SCAPER: variants seen among roughly 807,000 people sequenced by gnomAD.
SCAPER encodes the protein S phase cyclin A-associated protein in the endoplasmic reticulum.
Under a neutral mutation model 182.2 loss-of-function variants are expected in SCAPER, and 98 were observed. The observed-to-expected ratio is 0.54, with a 90% CI of 0.46 to 0.64. The LOEUF is 0.64. SCAPER is among the 30% of genes least tolerant of loss of function. The pLI is 0.00. For missense variants in SCAPER, 1,432 were observed against 1,690.0 expected (o/e 0.85, Z 2.68); for synonymous variants, 605 against 564.6 (o/e 1.07, Z -1.01).
In SCAPER at chr15:76,704,271, T is replaced by A. The variant is rs185641607; in HGVS notation, c.2248-1269A>T. Among the ~76,000 whole-genome samples the A allele has an allele frequency of 2.0e-5, 3 of 152,290 alleles. 1 individual carries two copies. In the East Asian group the frequency reaches 5.8e-4, roughly 29 times the overall value. ...CGAGAATTTTCTCCCATTTTGTAGG[T>A]TGCCTGTTCACTCTGATGGTAGTTT... On this transcript the variant is annotated intron_variant, in intron 18 of 31. Transcript: ENST00000563290.
At chr15:76,379,211 G>A (rs1329445595) in intron 28 of SCAPER, among the ~76,000 whole-genome samples, 1 of 152,134 alleles carries the variant, frequency 6.6e-6, no homozygotes, top group Non-Finnish European at 1.5e-5. Context: ...AGGGTAAAGG[G>A]TACCTGGAAA....
rs142859171 is a variant in SCAPER, at chr15:76,901,827, C to G, written c.-60+3472G>C. Among the ~76,000 whole-genome samples the G allele has an allele frequency of 5.9e-5, 9 of 152,180 alleles. No homozygotes were observed. In the East Asian group the frequency reaches 1.5e-3, roughly 26 times the overall value. ...CTCCACCTCCCGGATTCAAGCGATT[C>G]TCCTGCCTCAGCCTCCTGAGTAGCT... On this transcript the variant is annotated intron_variant, in intron 1 of 31. Transcript: ENST00000563290.
Position 76,348,456 on chromosome 15 carries a change from C to T in SCAPER, c.*177G>A, listed in dbSNP as rs2040314733. ...AAATAAACTCAACTTGCAAAATTAG[C>T]AAGTAGAACATTCAAGTATCTACAG... On this transcript the variant is annotated 3_prime_UTR_variant, in exon 32 of 32. Coordinates refer to ENST00000563290, the MANE Select transcript of SCAPER (RefSeq NM_020843.4). 4.7e-6 allele frequency: 2 copies of T among 428,640 alleles called. No homozygotes were observed. Among genetic ancestry groups the T allele is most frequent in the East Asian group, 7.2e-5 (2 of 27,746 alleles). 26.6% of individuals were successfully genotyped at this position (428,640 alleles called of 1,614,324 possible). A position where few individuals can be genotyped will look rare whatever the true frequency, so the allele number is the denominator to read the frequency against.
chr15:76,648,254 G>A (rs888002200), intron 21 of SCAPER, among the ~76,000 whole-genome samples: 2 of 150,284 alleles, frequency 1.3e-5, no homozygotes, highest in Non-Finnish European at 3.0e-5. Context: ...AACTCCTGGA[G>A]ATGAAAAATA....
chr15:76,777,608 C>A (rs1366604664), intron 8 of SCAPER, among the ~76,000 whole-genome samples: 2 of 152,276 alleles, frequency 1.3e-5, no homozygotes, highest in East Asian at 3.9e-4. Context: ...ACAGAAGAAT[C>A]GCTTGGACCT....
chr15:76,779,311 A>G (rs2063944768), intron 8 of SCAPER, among the ~76,000 whole-genome samples: 1 of 152,340 alleles, frequency 6.6e-6, no homozygotes, highest in African/African-American at 2.4e-5. Flanking sequence ...TTCTACAAGT[A>G]TAAAATAACT....
chr15:76,668,024 G>A (rs1163698352), intron 20 of SCAPER, among the ~76,000 whole-genome samples: 1 of 151,840 alleles, frequency 6.6e-6, no homozygotes. Context: ...TCCACAATCA[G>A]CATTTCGAAA....
chr15:76,360,665 G>A (rs1258244914), intron 29 of SCAPER, among the ~76,000 whole-genome samples: 3 of 152,162 alleles, frequency 2.0e-5, no homozygotes, highest in Admixed American at 2.0e-4. Context: ...AACTGACATA[G>A]ATTAAACTAA....
rs534332131 is a variant in SCAPER at position 76,453,582 on chromosome 15, C to T, written c.3078+17630G>A. ...CAACGCTGTGTTATTTTCATTGCAGCCTATCAGGTAGCAGACAGTTCTGAT... is the reference window on the plus strand; with the variant it reads ...CAACGCTGTGTTATTTTCATTGCAGTCTATCAGGTAGCAGACAGTTCTGAT... On this transcript the variant is annotated intron_variant, in intron 25 of 31. Coordinates refer to ENST00000563290, the MANE Select transcript of SCAPER (RefSeq NM_020843.4). Among the ~76,000 whole-genome samples, 11 of 152,284 alleles carry T rather than the reference C, an allele frequency of 7.2e-5. 1 individual carries two copies. The South Asian group carries it at 2.3e-3, about 32-fold the overall frequency.
chr15:76,591,668 A>G (rs1340835703), intron 22 of SCAPER, among the ~76,000 whole-genome samples: 16 of 152,184 alleles, frequency 1.1e-4, no homozygotes, highest in Non-Finnish European at 2.4e-4. Context: ...ACAATAGAAT[A>G]CTATGTATCA....
At chr15:76,787,610 C>T (rs2064705749) in intron 8 of SCAPER, among the ~76,000 whole-genome samples, 1 of 152,090 alleles carries the variant, frequency 6.6e-6, no homozygotes, top group Admixed American at 6.6e-5. Flanking sequence ...ACAGGTGAGC[C>T]ACCAAGCCTG....
intron 17 of SCAPER, 108 bp downstream of exon 17, chr15:76,728,487 C>G: frequency 1.4e-6 from 2 of 1,444,058 alleles, no homozygotes; most frequent in East Asian, 2.3e-5. Flanking sequence ...TGGGGAACAT[C>G]GCAAAACCTC....
At chr15:76,766,342 G>A (rs972171436) in intron 11 of SCAPER, among the ~76,000 whole-genome samples, 1 of 151,960 alleles carries the variant, frequency 6.6e-6, no homozygotes, top group Non-Finnish European at 1.5e-5. Context: ...TGATCCACCT[G>A]ATTCGGCCTC....
At position 76,598,126 on chromosome 15, in the gene SCAPER, C is replaced by T. The variant is rs548596978; in HGVS notation, c.2711+23638G>A. On this transcript the variant is annotated intron_variant, in intron 22 of 31. Coordinates refer to ENST00000563290, the MANE Select transcript of SCAPER (RefSeq NM_020843.4). ...TACAAGAAAAAAAAAACAACCCCATCAAAAAGTGGGTGATGGATATGAACA... is the reference window on the plus strand; with the variant it reads ...TACAAGAAAAAAAAAACAACCCCATTAAAAAGTGGGTGATGGATATGAACA... Among the ~76,000 whole-genome samples the T allele has an allele frequency of 3.3e-4, 40 of 119,518 alleles. 14 individuals are homozygous for T. Among genetic ancestry groups the T allele is most frequent in the Middle Eastern group, 9.9e-3 (2 of 202 alleles). The allele number at this position is 119,518 out of a possible 152,430, so 78.4% of individuals were successfully genotyped here. A position where few individuals can be genotyped will look rare whatever the true frequency, so the allele number is the denominator to read the frequency against.
At chr15:76,756,175 T>G (rs1371800289) in intron 14 of SCAPER, among the ~76,000 whole-genome samples, 1 of 129,110 alleles carries the variant, frequency 7.7e-6, no homozygotes, top group Non-Finnish European at 1.5e-5. Context: ...ACTCGGGAGG[T>G]GGAGGCTGCA....
intron 27 of SCAPER, among the ~76,000 whole-genome samples, chr15:76,394,186 G>A (rs2957607): frequency 0.1 from 15,881 of 152,138 alleles, 1,005 homozygotes; most frequent in African/African-American, 0.18. Context: ...ATGTTGCCAA[G>A]GAGCAAGTAG....
intron 1 of SCAPER, among the ~76,000 whole-genome samples, chr15:76,898,196 A>G (rs1447731589): frequency 6.6e-6 from 1 of 152,248 alleles, no homozygotes; most frequent in Non-Finnish European, 1.5e-5. Flanking sequence ...TATCAAAGCC[A>G]CAATGAGACA....
chr15:76,454,600 T>C (rs148053963), intron 25 of SCAPER, among the ~76,000 whole-genome samples: 3 of 152,310 alleles, frequency 2.0e-5, no homozygotes, highest in African/African-American at 7.2e-5. Context: ...AAATATCTCA[T>C]TTTTATAATT....
rs190124671 is a variant in SCAPER, at chr15:76,882,906, C to T, written c.6+906G>A. Among the ~76,000 whole-genome samples, 670 of 152,270 alleles carry T rather than the reference C, an allele frequency of 4.4e-3. 3 individuals carry two copies. The highest frequency in any genetic ancestry group is 0.01 in the Middle Eastern group (3 of 294). ...GTCTCGGTCTCCTGACCTTGTGATCCGCCCGTCTAGGCCTCCCAAAGTGCT... is the reference window on the plus strand; with the variant it reads ...GTCTCGGTCTCCTGACCTTGTGATCTGCCCGTCTAGGCCTCCCAAAGTGCT... On this transcript the variant is annotated intron_variant, in intron 2 of 31. Coordinates refer to ENST00000563290, the MANE Select transcript of SCAPER (RefSeq NM_020843.4).
Sources: gnomAD v4.1 joint callset for allele counts (sites outside exome capture counted in the v4.1 genomes callset) on GRCh38, gnomAD v4.1.1 for gene constraint, MANE v1.5 for transcripts, NCBI Gene and HGNC (gene_info 2026-07-23, HGNC 2026-07-21) for gene names.